The following KCNIP1 variants were observed in gnomAD, a reference collection of about 807,000 sequenced individuals.
KCNIP1 encodes the protein A-type potassium channel modulatory protein KCNIP1.
In KCNIP1, 18 loss-of-function variants were observed where a neutral mutation model predicts 33.0. The observed-to-expected ratio is 0.55, with a 90% CI of 0.38 to 0.81. KCNIP1 has a LOEUF of 0.81. Among genes scored for constraint, KCNIP1 ranks in the 30% least tolerant of loss-of-function variants. The pLI, the probability that KCNIP1 is intolerant of heterozygous loss-of-function variation, is 0.00. For missense variants in KCNIP1, 238 were observed against 271.6 expected (o/e 0.88, Z 0.87); for synonymous variants, 93 against 98.3 (o/e 0.95, Z 0.32).
chr5:170,725,534 C>T (rs534345167), intron 5 of KCNIP1, among the ~76,000 whole-genome samples: 1 of 151,830 alleles, frequency 6.6e-6, no homozygotes, highest in African/African-American at 2.4e-5. Context: ...AGTAGGGGGG[C>T]TGTGGGGGAA....
chr5:170,372,913 A>T (rs1763885212), intron 1 of KCNIP1, among the ~76,000 whole-genome samples: 1 of 152,130 alleles, frequency 6.6e-6, no homozygotes, highest in Admixed American at 6.6e-5. Flanking sequence ...GGAGGTTGGT[A>T]TGGAATGATG....
At chr5:170,563,193 A>G (rs1757093987) in intron 1 of KCNIP1, among the ~76,000 whole-genome samples, 1 of 152,108 alleles carries the variant, frequency 6.6e-6, no homozygotes, top group African/African-American at 2.4e-5. Context: ...TCACTTACTG[A>G]TTTGGCAGGC....
In KCNIP1 at chr5:170,504,727, C is replaced by T; in HGVS notation, c.61+94C>T. ...CCACCTGCCTCCCTTAGTCCGGACT[C>T]TCCTCTCCACGAGGAGCCCGGACAG... On this transcript the variant is annotated intron_variant, in intron 1 of 7. Coordinates refer to ENST00000328939, the MANE Select transcript of KCNIP1 (RefSeq NM_014592.4). This position sits in a 1 kb window ranked among gnomAD's most constrained non-coding sequence, Gnocchi z 6.0. 3 of 1,040,872 alleles carry T rather than the reference C, an allele frequency of 2.9e-6. No individual in the cohort carries two copies. Among genetic ancestry groups the T allele is most frequent in the Middle Eastern group, 2.0e-4 (1 of 4,930 alleles). 64.5% of individuals were successfully genotyped at this position (1,040,872 alleles called of 1,614,324 possible).
chr5:170,512,348 C>A (rs1440148776), intron 1 of KCNIP1, among the ~76,000 whole-genome samples: 1 of 152,230 alleles, frequency 6.6e-6, no homozygotes. Flanking sequence ...GAAAAAAACA[C>A]AAGAACTTGC....
intron 1 of KCNIP1, among the ~76,000 whole-genome samples, chr5:170,554,666 T>G (rs556937357): frequency 6.6e-6 from 1 of 152,208 alleles, no homozygotes; most frequent in Non-Finnish European, 1.5e-5. Context: ...TTTCTTAAGA[T>G]AGCAAATGTC....
At chr5:170,434,057 C>T (rs747124675) in intron 1 of KCNIP1, among the ~76,000 whole-genome samples, 3 of 152,148 alleles carry the variant, frequency 2.0e-5, no homozygotes, top group Admixed American at 6.5e-5. Context: ...TTTCTCATCA[C>T]GCTTAAGAAA....
chr5:170,491,275 A>G (rs1337005818), intron 1 of KCNIP1, among the ~76,000 whole-genome samples: 2 of 152,246 alleles, frequency 1.3e-5, no homozygotes, highest in Non-Finnish European at 2.9e-5. Context: ...TGAATGAAGA[A>G]TGAATGAAGA....
chr5:170,358,777 T>G (rs1763418065), intron 1 of KCNIP1, among the ~76,000 whole-genome samples: 1 of 152,162 alleles, frequency 6.6e-6, no homozygotes, highest in African/African-American at 2.4e-5. Context: ...CAATCACCAT[T>G]TCAGCAGGTA....
intron 1 of KCNIP1, among the ~76,000 whole-genome samples, chr5:170,711,924 G>A (rs553464723): frequency 6.6e-6 from 1 of 152,110 alleles, no homozygotes; most frequent in Non-Finnish European, 1.5e-5. Flanking sequence ...GCAGATTGGG[G>A]GACAGGAGAG....
chr5:170,461,448 G>T (rs1349823185), intron 1 of KCNIP1, among the ~76,000 whole-genome samples: 1 of 152,048 alleles, frequency 6.6e-6, no homozygotes, highest in Non-Finnish European at 1.5e-5. Context: ...GCATGGTACT[G>T]GTATAAAAAT....
At chr5:170,694,712 C>T (rs1361260998) in intron 1 of KCNIP1, among the ~76,000 whole-genome samples, 1 of 152,282 alleles carries the variant, frequency 6.6e-6, no homozygotes, top group East Asian at 1.9e-4. Flanking sequence ...CTTTTCTTTC[C>T]TCTCGACACC....
intron 1 of KCNIP1, among the ~76,000 whole-genome samples, chr5:170,617,242 T>C (rs773055730): frequency 7.9e-5 from 12 of 151,880 alleles, no homozygotes; most frequent in East Asian, 1.9e-4. Context: ...GACTGGGGCA[T>C]TGTGGACAAG....
At chr5:170,451,110 C>T (rs1756238606) in intron 1 of KCNIP1, among the ~76,000 whole-genome samples, 1 of 152,208 alleles carries the variant, frequency 6.6e-6, no homozygotes, top group South Asian at 2.1e-4. Flanking sequence ...TTTCACAGAA[C>T]ATTGACATCA....
At chr5:170,586,957 C>T (rs1352347447) in intron 1 of KCNIP1, among the ~76,000 whole-genome samples, 1 of 152,164 alleles carries the variant, frequency 6.6e-6, no homozygotes, top group African/African-American at 2.4e-5. Context: ...GAGCTCACAG[C>T]CCAGTGGGGA....
intron 1 of KCNIP1, among the ~76,000 whole-genome samples, chr5:170,475,348 C>G (rs1312786715): frequency 6.6e-6 from 1 of 152,202 alleles, no homozygotes; most frequent in Non-Finnish European, 1.5e-5. Flanking sequence ...CCAGCTCCTG[C>G]GTGCCAGGCA....
intron 1 of KCNIP1, among the ~76,000 whole-genome samples, chr5:170,551,846 ATG>A (rs1756650042): frequency 6.7e-6 from 1 of 150,134 alleles, no homozygotes; most frequent in South Asian, 2.1e-4. Flanking sequence ...GTGTTAGTGC[ATG>A]TGTGAGACTG....
chr5:170,371,032 G>A (rs536159735), intron 1 of KCNIP1, among the ~76,000 whole-genome samples: 17 of 152,320 alleles, frequency 1.1e-4, no homozygotes, highest in African/African-American at 4.1e-4. Flanking sequence ...CCATGGTTTG[G>A]GAACACTTGT....
intron 5 of KCNIP1, among the ~76,000 whole-genome samples, chr5:170,726,491 G>T (rs951301141): frequency 6.6e-6 from 1 of 152,154 alleles, no homozygotes; most frequent in African/African-American, 2.4e-5. Context: ...TGGCAAAGAT[G>T]TGGAGCAATA....
intron 1 of KCNIP1, among the ~76,000 whole-genome samples, chr5:170,463,237 T>C (rs1430685492): frequency 6.6e-6 from 1 of 152,236 alleles, no homozygotes; most frequent in African/African-American, 2.4e-5. Flanking sequence ...TGGTGAATTA[T>C]ACAGAATATT....
Sources: allele counts gnomAD v4.1 joint callset (sites outside exome capture counted in the v4.1 genomes callset), GRCh38; gene constraint gnomAD v4.1.1; non-coding constraint Gnocchi (gnomAD v3.1); transcripts MANE v1.5; gene names NCBI Gene and HGNC (gene_info 2026-07-23, HGNC 2026-07-21).